Variants in EXT1 observed in about 807,000 individuals in gnomAD.
EXT1 encodes exostosin-1.
A neutral mutation model predicts 82.5 loss-of-function variants in EXT1; 20 were observed. The ratio of observed to expected loss-of-function variants is 0.24; its 90% CI spans 0.17 to 0.35. The LOEUF is 0.35. Ranked by LOEUF, EXT1 falls within the 10% of genes least tolerant of loss-of-function variation. EXT1 has a pLI of 1.00. For missense variants in EXT1, 757 were observed against 936.5 expected (o/e 0.81, Z 2.50); for synonymous variants, 348 against 350.8 (o/e 0.99, Z 0.09).
chr8:117,858,689 G>GA (rs1470753750), intron 1 of EXT1, among the ~76,000 whole-genome samples: 5 of 129,698 alleles, frequency 3.9e-5, no homozygotes, highest in Admixed American at 7.8e-5. Flanking sequence ...AAAAAAAAAA[G>GA]AAGAAAGAAA....
chr8:117,874,437 G>A (rs1221411878), intron 1 of EXT1, among the ~76,000 whole-genome samples: 1 of 151,860 alleles, frequency 6.6e-6, no homozygotes, highest in African/African-American at 2.4e-5. Flanking sequence ...TTAGCTGGGT[G>A]TGTTAGCACA....
chr8:118,072,364 G>A (rs1442764591), intron 1 of EXT1, among the ~76,000 whole-genome samples: 1 of 152,182 alleles, frequency 6.6e-6, no homozygotes, highest in African/African-American at 2.4e-5. Flanking sequence ...CATTAGAAAT[G>A]TTGTGAGAGC....
chr8:118,081,463 G>T (rs879620502), intron 1 of EXT1, among the ~76,000 whole-genome samples: 1 of 152,204 alleles, frequency 6.6e-6, no homozygotes, highest in Non-Finnish European at 1.5e-5. Context: ...TGCAGAACCA[G>T]ATCATCTGCT....
chr8:117,898,788 T>C (rs181200780), intron 1 of EXT1, among the ~76,000 whole-genome samples: 2 of 151,778 alleles, frequency 1.3e-5, no homozygotes, highest in Non-Finnish European at 1.5e-5. Flanking sequence ...TTATGGTAGA[T>C]GGTTTCCACA....
chr8:118,099,809 C>T (rs1211857322), intron 1 of EXT1, among the ~76,000 whole-genome samples: 1 of 152,176 alleles, frequency 6.6e-6, no homozygotes, highest in Non-Finnish European at 1.5e-5. Flanking sequence ...AGGATGCCCT[C>T]AGATATGAGT....
intron 1 of EXT1, among the ~76,000 whole-genome samples, chr8:117,912,170 A>C (rs1438900921): frequency 6.6e-6 from 1 of 152,188 alleles, no homozygotes; most frequent in African/African-American, 2.4e-5. Flanking sequence ...AGGGAGAGAG[A>C]GACCCAAATT....
intron 1 of EXT1, among the ~76,000 whole-genome samples, chr8:118,045,185 G>C (rs571067323): frequency 2.0e-5 from 3 of 152,264 alleles, no homozygotes; most frequent in African/African-American, 7.2e-5. Flanking sequence ...CCCAGCGTTA[G>C]TAAATGTCTC....
chr8:117,848,945 C>T (rs533510400), intron 1 of EXT1, among the ~76,000 whole-genome samples: 5 of 152,256 alleles, frequency 3.3e-5, no homozygotes, highest in African/African-American at 1.2e-4. Flanking sequence ...AATAATCATG[C>T]CCTACACCTT....
At chr8:118,036,024 A>T (rs1028979063) in intron 1 of EXT1, among the ~76,000 whole-genome samples, 1 of 151,806 alleles carries the variant, frequency 6.6e-6, no homozygotes, top group Non-Finnish European at 1.5e-5. Flanking sequence ...GGCAGTAATG[A>T]CCCATTTTAC....
At chr8:118,061,185 A>C (rs1468970561) in intron 1 of EXT1, among the ~76,000 whole-genome samples, 1 of 152,258 alleles carries the variant, frequency 6.6e-6, no homozygotes, top group African/African-American at 2.4e-5. Flanking sequence ...CACTGCACAC[A>C]AAACACGTGG....
chr8:118,079,977 G>A (rs1316039247), intron 1 of EXT1, among the ~76,000 whole-genome samples: 1 of 152,206 alleles, frequency 6.6e-6, no homozygotes, highest in Non-Finnish European at 1.5e-5. Flanking sequence ...GGCATACAGT[G>A]TGAGTCATTC....
chr8:117,970,253 A>G (rs1231635820), intron 1 of EXT1, among the ~76,000 whole-genome samples: 2 of 151,512 alleles, frequency 1.3e-5, no homozygotes, highest in Non-Finnish European at 2.9e-5. Context: ...CCTGGGCTGT[A>G]CCCCCAGAAC....
At chr8:117,821,048 C>G (rs1476808331) in intron 5 of EXT1, among the ~76,000 whole-genome samples, 3 of 152,122 alleles carry the variant, frequency 2.0e-5, no homozygotes, top group Non-Finnish European at 4.4e-5. Flanking sequence ...AGGTTAAGAG[C>G]CTTTTAAAAC....
At chr8:118,031,786 T>C (rs1467449007) in intron 1 of EXT1, among the ~76,000 whole-genome samples, 2 of 152,026 alleles carry the variant, frequency 1.3e-5, no homozygotes, top group African/African-American at 4.8e-5. Flanking sequence ...TGAGATTAAA[T>C]TTCAACCTGA....
intron 1 of EXT1, among the ~76,000 whole-genome samples, chr8:118,053,001 T>C (rs375252817): frequency 6.6e-6 from 1 of 152,228 alleles, no homozygotes; most frequent in East Asian, 1.9e-4. Flanking sequence ...ATGACCTTGA[T>C]AAGCCAATGC....
At chr8:118,026,143 C>A (rs777516367) in intron 1 of EXT1, among the ~76,000 whole-genome samples, 1 of 152,108 alleles carries the variant, frequency 6.6e-6, no homozygotes. Flanking sequence ...AGACACAAGA[C>A]GCAATGGCAA....
At chr8:117,908,240 G>A (rs1306609464) in intron 1 of EXT1, among the ~76,000 whole-genome samples, 2 of 152,164 alleles carry the variant, frequency 1.3e-5, no homozygotes, top group Non-Finnish European at 2.9e-5. Flanking sequence ...TCCCAAAACT[G>A]CATTTACAAA....
chr8:117,954,493 G>A (rs1363605030), intron 1 of EXT1, among the ~76,000 whole-genome samples: 1 of 152,152 alleles, frequency 6.6e-6, no homozygotes, highest in Non-Finnish European at 1.5e-5. Flanking sequence ...CATGGACTGA[G>A]CCAACTCTGA....
intron 1 of EXT1, among the ~76,000 whole-genome samples, chr8:117,866,216 C>T (rs1161946598): frequency 2.0e-5 from 3 of 152,170 alleles, no homozygotes; most frequent in African/African-American, 7.2e-5. Flanking sequence ...CACAGTGAGA[C>T]TCAGTCTCAA....
Sources: gnomAD v4.1 joint callset for allele counts (sites outside exome capture counted in the v4.1 genomes callset) on GRCh38, gnomAD v4.1.1 for gene constraint, MANE v1.5 for transcripts, NCBI Gene and HGNC (gene_info 2026-07-23, HGNC 2026-07-21) for gene names.